SPEF2: variants seen among roughly 807,000 people sequenced by gnomAD.
The protein encoded by SPEF2 is sperm flagellar and cilia associated 2, also known as sperm flagella and cilia-associated protein 2.
In SPEF2, 187 loss-of-function variants were observed where a neutral mutation model predicts 224.6. That is an observed-to-expected ratio of 0.83 (90% CI 0.74 to 0.94). The LOEUF (loss-of-function observed/expected upper bound fraction) is 0.94, where lower values mean the gene tolerates loss of function less well. SPEF2 is among the 40% of genes least tolerant of loss of function. The probability of loss-of-function intolerance (pLI) is 0.00; values close to 1 mark genes in which losing one functional copy is unlikely to be tolerated. For synonymous variants in SPEF2, 715 were observed against 707.3 expected, an observed-to-expected ratio of 1.01 and a Z score of -0.17; for missense variants, 2,170 against 2,135.6, an observed-to-expected ratio of 1.02 and a Z score of -0.32.
chr5:35,690,931 G>T, intron 10 of SPEF2, 106 bp from the exon 11 acceptor site: 2 of 772,006 alleles, frequency 2.6e-6, no homozygotes, highest in Non-Finnish European at 4.0e-6. Flanking sequence ...GTATTCATTG[G>T]CTTTTGTTGG....
At chr5:35,807,984 G>GT in intron 36 of SPEF2, 4 of 1,320,096 alleles carry the variant, frequency 3.0e-6, no homozygotes, top group Non-Finnish European at 3.9e-6. Context: ...TGTGAGTTGT[G>GT]TATTGAACTA....
intron 23 of SPEF2, among the ~76,000 whole-genome samples, chr5:35,749,939 C>T (rs958676853): frequency 3.3e-5 from 5 of 152,118 alleles, no homozygotes; most frequent in Admixed American, 6.6e-5. Context: ...CATCACACTA[C>T]CTGATTTCAA....
chr5:35,792,547 T>G, intron 31 of SPEF2, 101 bp downstream of exon 31: 2 of 874,702 alleles, frequency 2.3e-6, no homozygotes, highest in Non-Finnish European at 3.5e-6. Flanking sequence ...GTGTCTGACA[T>G]TTAGTAGGCA....
intron 10 of SPEF2, among the ~76,000 whole-genome samples, chr5:35,687,961 A>G (rs1261252303): frequency 6.6e-6 from 1 of 152,218 alleles, no homozygotes; most frequent in Non-Finnish European, 1.5e-5. Context: ...GCAAGCAAAA[A>G]ATTTGCAGGC....
intron 8 of SPEF2, among the ~76,000 whole-genome samples, chr5:35,660,756 T>C (rs1749583748): frequency 6.6e-6 from 1 of 152,166 alleles, no homozygotes; most frequent in African/African-American, 2.4e-5. Flanking sequence ...GAAAAATATG[T>C]TTATTTCACA....
chr5:35,752,423 G>A (rs1170420173), intron 23 of SPEF2, among the ~76,000 whole-genome samples: 1 of 151,834 alleles, frequency 6.6e-6, no homozygotes, highest in African/African-American at 2.4e-5. Flanking sequence ...TGAGTAGCTG[G>A]GACTACAGAC....
rs1488237176 is a variant in SPEF2 at position 35,670,099 on chromosome 5, T to C, written c.1396T>C (p.Phe466Leu). 2 of 1,610,008 alleles carry C rather than the reference T, an allele frequency of 1.2e-6. No individual in the cohort carries two copies. The change falls in exon 10 of 37, where the codon TTT (phenylalanine) becomes CTT (leucine). Residue 466 changes from phenylalanine to leucine, a missense_variant. Coordinates refer to ENST00000356031, the MANE Select transcript of SPEF2 (RefSeq NM_024867.4). ...YKLMHDWKEL[F>L]FNAKPIYEQA... ...GTTGATGCATGATTGGAAGGAACTA[T>C]TTTTTAATGCAAAACCCATATATGA...
intron 10 of SPEF2, among the ~76,000 whole-genome samples, chr5:35,683,213 G>A (rs1255597975): frequency 6.6e-6 from 1 of 152,184 alleles, no homozygotes; most frequent in Non-Finnish European, 1.5e-5. Flanking sequence ...AGGCTAGACA[G>A]CAGAGTGGTA....
At chr5:35,781,653 AAGGCTAT>A (rs1488677329) in intron 30 of SPEF2, 1 of 151,266 alleles carries the variant, frequency 6.6e-6, no homozygotes, top group Non-Finnish European at 1.5e-5. Context: ...CAGAATTTAC[AAGGCTAT>A]ACAATACGGT....
rs6872795 is a variant in SPEF2, at chr5:35,677,283, A to T, written c.1524+7056A>T. 1.2e-4 allele frequency among the ~76,000 whole-genome samples: 19 copies of T among 152,126 alleles called. No individual in the cohort carries two copies. In the East Asian group the frequency reaches 3.7e-3, roughly 29 times the overall value. On this transcript the variant is annotated intron_variant, in intron 10 of 36. Coordinates refer to ENST00000356031, the MANE Select transcript of SPEF2 (RefSeq NM_024867.4). ...AAACATTCCTTTAAATAGTAAGACC[A>T]TGGAAATTACTATAAAAGTGATCCT...
At chr5:35,636,800 C>A (rs1234403872) in intron 2 of SPEF2, among the ~76,000 whole-genome samples, 4 of 151,734 alleles carry the variant, frequency 2.6e-5, no homozygotes, top group African/African-American at 9.7e-5. Flanking sequence ...CATGGTGAAA[C>A]CCCATCTCTG....
intron 23 of SPEF2, among the ~76,000 whole-genome samples, chr5:35,748,074 T>C (rs1250284325): frequency 6.6e-6 from 1 of 152,118 alleles, no homozygotes; most frequent in Admixed American, 6.6e-5. Context: ...AATAACCTGC[T>C]CCTGAATAAG....
intron 20 of SPEF2, among the ~76,000 whole-genome samples, chr5:35,719,414 A>G (rs1156914956): frequency 5.3e-5 from 8 of 152,194 alleles, no homozygotes; most frequent in Admixed American, 2.6e-4. Context: ...GATTATTTGC[A>G]TAAAGTGCAG....
intron 10 of SPEF2, chr5:35,675,791 G>GT (rs1211816692): frequency 2.6e-6 from 1 of 386,980 alleles, no homozygotes; most frequent in African/African-American, 2.1e-5. Flanking sequence ...GAACATCAAT[G>GT]TATTAGTTTT....
intron 18 of SPEF2, among the ~76,000 whole-genome samples, chr5:35,707,785 A>G (rs1425697432): frequency 6.6e-6 from 1 of 152,148 alleles, no homozygotes; most frequent in Non-Finnish European, 1.5e-5. Flanking sequence ...ACACTCTTTC[A>G]CCAGAAATAC....
At chr5:35,789,787 C>T (rs1445903254) in intron 30 of SPEF2, 3 of 701,638 alleles carry the variant, frequency 4.3e-6, no homozygotes, top group South Asian at 1.5e-5. Context: ...CTATTTTTGG[C>T]ATCTTGATTA....
intron 36 of SPEF2, among the ~76,000 whole-genome samples, chr5:35,810,886 C>T (rs1055099771): frequency 6.6e-6 from 1 of 152,086 alleles, no homozygotes; most frequent in African/African-American, 2.4e-5. Flanking sequence ...TCTACTTTAA[C>T]TCTCCCTCCT....
intron 26 of SPEF2, among the ~76,000 whole-genome samples, chr5:35,767,037 T>C (rs918586696): frequency 2.0e-5 from 3 of 151,742 alleles, no homozygotes; most frequent in African/African-American, 7.2e-5. Context: ...ACTTCATTGT[T>C]TATATACAAA....
intron 24 of SPEF2, among the ~76,000 whole-genome samples, chr5:35,757,861 A>C (rs1750677434): frequency 6.6e-6 from 1 of 152,228 alleles, no homozygotes; most frequent in South Asian, 2.1e-4. Flanking sequence ...ACAATACATA[A>C]ATGGTACTTT....
Sources: gnomAD v4.1 joint callset for allele counts (sites outside exome capture counted in the v4.1 genomes callset) on GRCh38, gnomAD v4.1.1 for gene constraint, MANE v1.5 for transcripts, NCBI Gene and HGNC (gene_info 2026-07-23, HGNC 2026-07-21) for gene names.